Variants in KAZN observed in about 807,000 individuals in gnomAD.
KAZN encodes the protein kazrin.
In KAZN, 40 loss-of-function variants were observed where a neutral mutation model predicts 87.4. The ratio of observed to expected loss-of-function variants is 0.46; its 90% CI spans 0.36 to 0.60. The LOEUF (loss-of-function observed/expected upper bound fraction) is 0.60, where lower values mean the gene tolerates loss of function less well. Among genes scored for constraint, KAZN ranks in the 20% least tolerant of loss-of-function variants. KAZN has a pLI of 0.00. For synonymous variants in KAZN, 466 were observed against 458.3 expected (o/e 1.02, Z -0.22); for missense variants, 898 against 1,073.9 (o/e 0.84, Z 2.29).
Position 13,937,602 on chromosome 1 carries a change from T to C in KAZN, c.91+43846T>C, listed in dbSNP as rs190894325. Among the ~76,000 whole-genome samples, 630 of 152,324 alleles carry C rather than the reference T, an allele frequency of 4.1e-3. 3 individuals carry two copies. Among genetic ancestry groups the C allele is most frequent in the African/African-American group, 0.015 (608 of 41,570 alleles). ...ACTTAGTCGTAAGTTCTTTGGCCTA[T>C]ACCAATGTCCAGAAGAGATTTTCCT... On this transcript the variant is annotated intron_variant, in intron 1 of 16. Transcript: ENST00000636203.
chr1:14,610,564 C>T (rs1259931919), intron 1 of KAZN, among the ~76,000 whole-genome samples: 2 of 152,144 alleles, frequency 1.3e-5, no homozygotes, highest in Non-Finnish European at 2.9e-5. Context: ...AGAGTTTCTC[C>T]TCTTCTAGTT....
chr1:14,349,859 C>T (rs6695970), intron 2 of KAZN, among the ~76,000 whole-genome samples: 5,725 of 151,982 alleles, frequency 0.038, 339 homozygotes, highest in African/African-American at 0.13. Flanking sequence ...ACAAGAGGCC[C>T]GGTGCGGTGG....
intron 1 of KAZN, among the ~76,000 whole-genome samples, chr1:14,129,428 C>T (rs909641857): frequency 6.6e-6 from 1 of 152,224 alleles, no homozygotes; most frequent in South Asian, 2.1e-4. Flanking sequence ...TTCCTTCAAG[C>T]ATCAGGCCTA....
chr1:15,038,860 G>T (rs1672621122), intron 3 of KAZN, among the ~76,000 whole-genome samples: 1 of 105,058 alleles, frequency 9.5e-6, no homozygotes. Flanking sequence ...AACAGCAGAC[G>T]TTTATTGTGC....
At chr1:15,110,872 C>G (rs1641584711) in intron 13 of KAZN, among the ~76,000 whole-genome samples, 2 of 152,234 alleles carry the variant, frequency 1.3e-5, no homozygotes, top group African/African-American at 4.8e-5. Flanking sequence ...AGATGGGACC[C>G]TGAGGCTCTC....
intron 1 of KAZN, among the ~76,000 whole-genome samples, chr1:14,627,496 A>G (rs549575195): frequency 3.9e-5 from 6 of 152,260 alleles, no homozygotes; most frequent in Non-Finnish European, 8.8e-5. Flanking sequence ...CTCAGGACTT[A>G]AAAGGCTCGC....
At chr1:14,816,386 G>T (rs1271457048) in intron 1 of KAZN, among the ~76,000 whole-genome samples, 1 of 152,170 alleles carries the variant, frequency 6.6e-6, no homozygotes, top group African/African-American at 2.4e-5. Flanking sequence ...CCACTGCTAT[G>T]CTCCCTCAGG....
At chr1:14,866,147 G>A (rs1651430002) in intron 1 of KAZN, among the ~76,000 whole-genome samples, 1 of 143,302 alleles carries the variant, frequency 7.0e-6, no homozygotes, top group African/African-American at 2.5e-5. Context: ...TGCACCTGCT[G>A]TTCCCTCTGC....
chr1:14,897,867 C>A (rs965922420), intron 1 of KAZN, among the ~76,000 whole-genome samples: 4 of 152,194 alleles, frequency 2.6e-5, no homozygotes, highest in East Asian at 1.9e-4. Flanking sequence ...CACTCAGAAC[C>A]GCTTGCTGAA....
chr1:15,106,805 C>A (rs1460941915), intron 13 of KAZN, among the ~76,000 whole-genome samples: 1 of 152,206 alleles, frequency 6.6e-6, no homozygotes, highest in Non-Finnish European at 1.5e-5. Context: ...CTTTGACACA[C>A]ACTGACTTCC....
chr1:15,076,119 C>T (rs1033124098), intron 8 of KAZN, among the ~76,000 whole-genome samples: 5 of 152,180 alleles, frequency 3.3e-5, no homozygotes, highest in African/African-American at 1.2e-4. Flanking sequence ...CAGCCTCTGA[C>T]AGCTGTCACT....
intron 2 of KAZN, among the ~76,000 whole-genome samples, chr1:14,387,173 T>TA (rs1476899618): frequency 1.3e-5 from 2 of 152,200 alleles, no homozygotes; most frequent in African/African-American, 4.8e-5. Context: ...TCAGCTCCTT[T>TA]AAGCACTTCT....
chr1:14,324,577 A>C (rs566695728), intron 2 of KAZN, among the ~76,000 whole-genome samples: 1 of 152,102 alleles, frequency 6.6e-6, no homozygotes, highest in Admixed American at 6.5e-5. Context: ...ACTTCCAATC[A>C]CATTTCTTCA....
At chr1:14,413,593 GAAAAAAAAAAAAA>G (rs1169921344) in intron 2 of KAZN, among the ~76,000 whole-genome samples, 9 of 66,080 alleles carry the variant, frequency 1.4e-4, no homozygotes, top group East Asian at 1.0e-3. Context: ...CGTCTCAAAA[GAAAAAAAAAAAAA>G]AAAAAAAAAA....
chr1:13,932,008 A>ATTTTTTTTTTT (rs35231877), intron 1 of KAZN, among the ~76,000 whole-genome samples: 4 of 122,916 alleles, frequency 3.3e-5, no homozygotes, highest in Admixed American at 8.5e-5. Context: ...GGCTTGGCTA[A>ATTTTTTTTTTT]TTTTTTTTTT....
chr1:14,584,506 A>T (rs1412571431), intron 2 of KAZN, among the ~76,000 whole-genome samples: 2 of 152,136 alleles, frequency 1.3e-5, no homozygotes, highest in Non-Finnish European at 2.9e-5. Flanking sequence ...GAGAGCCATA[A>T]ATTCCCCTTG....
intron 2 of KAZN, among the ~76,000 whole-genome samples, chr1:14,502,754 A>C (rs946835535): frequency 6.6e-6 from 1 of 152,200 alleles, no homozygotes; most frequent in Non-Finnish European, 1.5e-5. Context: ...CAACAGAAAA[A>C]GTAAAATACA....
At chr1:14,566,398 A>G (rs750594203) in intron 2 of KAZN, among the ~76,000 whole-genome samples, 1 of 152,238 alleles carries the variant, frequency 6.6e-6, no homozygotes, top group African/African-American at 2.4e-5. Flanking sequence ...TGTTCCATTT[A>G]TAGAGCACAG....
intron 1 of KAZN, among the ~76,000 whole-genome samples, chr1:14,158,398 G>C (rs1308928256): frequency 6.6e-6 from 1 of 151,898 alleles, no homozygotes; most frequent in Non-Finnish European, 1.5e-5. Flanking sequence ...AAAAGACTCT[G>C]ATACATTTTT....
Sources: gnomAD v4.1 joint callset for allele counts (sites outside exome capture counted in the v4.1 genomes callset) on GRCh38, gnomAD v4.1.1 for gene constraint, MANE v1.5 for transcripts, NCBI Gene and HGNC (gene_info 2026-07-23, HGNC 2026-07-21) for gene names.